CSMD1: variants seen among roughly 807,000 people sequenced by gnomAD.
CSMD1 encodes CUB and Sushi multiple domains 1, also known as CUB and sushi domain-containing protein 1.
CSMD1 carries 213 observed loss-of-function variants against 417.5 expected under a neutral mutation model. The observed-to-expected ratio is 0.51, with a 90% confidence interval of 0.46 to 0.57. The LOEUF (loss-of-function observed/expected upper bound fraction) is 0.57. Ranked by LOEUF, CSMD1 falls within the 20% of genes least tolerant of loss-of-function variation. The probability of loss-of-function intolerance (pLI) is 0.00; values close to 1 mark genes in which losing one functional copy is unlikely to be tolerated. For missense variants in CSMD1, 6,923 were observed against 4,529.7 expected (o/e 1.53, Z -15.17); for synonymous variants, 2,862 against 1,736.8 (o/e 1.65, Z -16.11).
intron 1 of CSMD1, among the ~76,000 whole-genome samples, chr8:4,714,333 A>G (rs1808507658): frequency 6.6e-6 from 1 of 152,168 alleles, no homozygotes; most frequent in South Asian, 2.1e-4. Flanking sequence ...TCACACTTGC[A>G]AAGTTTGGGG....
At chr8:4,856,549 C>A (rs1265387825) in intron 1 of CSMD1, among the ~76,000 whole-genome samples, 4 of 138,510 alleles carry the variant, frequency 2.9e-5, no homozygotes, top group Non-Finnish European at 4.6e-5. Flanking sequence ...CACATAGGCT[C>A]AAAATAAAAG....
chr8:4,193,753 T>G (rs183594499), intron 3 of CSMD1, among the ~76,000 whole-genome samples: 167 of 152,172 alleles, frequency 1.1e-3, no homozygotes, highest in African/African-American at 3.8e-3. Flanking sequence ...ACAAGTGATT[T>G]TGGCTGGCAA....
chr8:3,875,452 G>C (rs182538997), intron 5 of CSMD1, among the ~76,000 whole-genome samples: 3 of 152,252 alleles, frequency 2.0e-5, no homozygotes, highest in Non-Finnish European at 4.4e-5. Context: ...TGATGTAGGT[G>C]AATGGGTGGA....
intron 3 of CSMD1, among the ~76,000 whole-genome samples, chr8:4,056,183 G>T (rs1200616438): frequency 7.4e-5 from 11 of 148,788 alleles, no homozygotes; most frequent in African/African-American, 2.5e-4. Context: ...TTGGGTTCGA[G>T]CAATTCTCTT....
intron 3 of CSMD1, among the ~76,000 whole-genome samples, chr8:4,152,761 T>C (rs757221149): frequency 4.6e-5 from 7 of 151,432 alleles, no homozygotes; most frequent in Non-Finnish European, 1.0e-4. Context: ...AATATATACA[T>C]ATAATCAAAT....
intron 3 of CSMD1, among the ~76,000 whole-genome samples, chr8:4,139,642 G>A (rs1015951097): frequency 1.3e-5 from 2 of 151,168 alleles, no homozygotes. Context: ...AGTGGGACCA[G>A]CAGATGCAAG....
Position 3,205,549 on chromosome 8 carries a change from C to T in CSMD1, c.4939G>A (p.Ala1647Thr). Residue 1647 changes from alanine to threonine, a missense_variant, in exon 31 of 70, where the codon GCT (alanine) becomes ACT (threonine). Coordinates refer to ENST00000635120, the MANE Select transcript of CSMD1 (RefSeq NM_033225.6). Reference protein sequence around the residue: ...LSPNYPHNYTAGQICLYSITV... With the variant: ...LSPNYPHNYTTGQICLYSITV... ...ATGGAATAGAGGCATATTTGACCAGCTGTGTAATTATGGGGGTAGTTTGGT... is the reference window on the plus strand; with the variant it reads ...ATGGAATAGAGGCATATTTGACCAGTTGTGTAATTATGGGGGTAGTTTGGT... 6.2e-7 allele frequency: 1 copy of T among 1,602,690 alleles called. No individual in the cohort carries two copies. Among genetic ancestry groups the T allele is most frequent in the Non-Finnish European group, 8.5e-7 (1 of 1,173,256 alleles).
At chr8:4,929,619 T>C (rs1807104281) in intron 1 of CSMD1, among the ~76,000 whole-genome samples, 1 of 152,226 alleles carries the variant, frequency 6.6e-6, no homozygotes, top group Non-Finnish European at 1.5e-5. Flanking sequence ...TTTCATCATT[T>C]GTCACCATTT....
At chr8:3,521,999 G>A (rs142942364) in intron 10 of CSMD1, among the ~76,000 whole-genome samples, 252 of 152,246 alleles carry the variant, frequency 1.7e-3, no homozygotes, top group African/African-American at 5.5e-3. Flanking sequence ...GTGTAAACAA[G>A]TATTTGCATT....
chr8:3,737,896 C>T (rs1305141022), intron 6 of CSMD1, among the ~76,000 whole-genome samples: 2 of 152,182 alleles, frequency 1.3e-5, no homozygotes, highest in Non-Finnish European at 2.9e-5. Flanking sequence ...AGAATTCCCT[C>T]AAACTCTGAC....
At chr8:4,418,680 G>T (rs773146975) in intron 3 of CSMD1, among the ~76,000 whole-genome samples, 2 of 152,144 alleles carry the variant, frequency 1.3e-5, no homozygotes, top group Non-Finnish European at 2.9e-5. Flanking sequence ...TGTGAATTTA[G>T]AGTTTATATG....
intron 40 of CSMD1, among the ~76,000 whole-genome samples, chr8:3,146,759 G>A (rs955810209): frequency 3.3e-5 from 5 of 152,200 alleles, no homozygotes; most frequent in Admixed American, 1.3e-4. Context: ...GGAAAGCCAG[G>A]TAAGATGATT....
chr8:4,451,481 A>G (rs1169589944), intron 2 of CSMD1, among the ~76,000 whole-genome samples: 1 of 152,190 alleles, frequency 6.6e-6, no homozygotes, highest in South Asian at 2.1e-4. Context: ...CCTAAAGCTT[A>G]CCCATAGAGA....
chr8:4,732,459 C>G (rs529750563), intron 1 of CSMD1, among the ~76,000 whole-genome samples: 1 of 151,262 alleles, frequency 6.6e-6, no homozygotes. Flanking sequence ...TGCTTAAGAA[C>G]AAGAATTACT....
Position 3,106,917 on chromosome 8 carries a change from G to C in CSMD1, c.6836-276C>G, listed in dbSNP as rs537529366. On this transcript the variant is annotated intron_variant, in intron 45 of 69. Transcript: ENST00000635120. ...TCCGTGTTGGTTTCCCTTCCCCAGT[G>C]ATTGCTGACGAAAAGAAAAAAAAAG... 6.2e-5 allele frequency: 18 copies of C among 291,354 alleles called. No individual in the cohort carries two copies. The South Asian group carries it at 1.6e-3, about 27-fold the overall frequency. 18.0% of individuals were successfully genotyped at this position (291,354 alleles called of 1,614,324 possible). A position where few individuals can be genotyped will look rare whatever the true frequency, so the allele number is the denominator to read the frequency against.
rs78456508 is a variant in CSMD1, at chr8:3,267,505, C to T, written c.4153+16639G>A. Reference sequence around the variant, plus strand: ...CAGGCGTGAGGTTTCCTCAGGAGCTCTCCGGAGTCCAGAGGAGAGAATCCA... The same window carrying T: ...CAGGCGTGAGGTTTCCTCAGGAGCTTTCCGGAGTCCAGAGGAGAGAATCCA... On this transcript the variant is annotated intron_variant, in intron 26 of 69. Transcript: ENST00000635120. Among the ~76,000 whole-genome samples the T allele has an allele frequency of 2.4e-3, 370 of 152,266 alleles. 2 individuals carry two copies. Among genetic ancestry groups the T allele is most frequent in the African/African-American group, 8.6e-3 (356 of 41,560 alleles).
chr8:3,217,149 C>T (rs760003174), intron 29 of CSMD1, among the ~76,000 whole-genome samples: 1 of 152,074 alleles, frequency 6.6e-6, no homozygotes, highest in Non-Finnish European at 1.5e-5. Flanking sequence ...GAAGAAATGG[C>T]ATCATTTTTC....
At chr8:3,572,330 C>G (rs1799980179) in intron 10 of CSMD1, among the ~76,000 whole-genome samples, 1 of 152,110 alleles carries the variant, frequency 6.6e-6, no homozygotes, top group Non-Finnish European at 1.5e-5. Flanking sequence ...TGAGGGAGGG[C>G]TGAGGCTCTG....
At chr8:3,725,735 G>A (rs1032107520) in intron 6 of CSMD1, among the ~76,000 whole-genome samples, 1 of 152,172 alleles carries the variant, frequency 6.6e-6, no homozygotes, top group African/African-American at 2.4e-5. Flanking sequence ...CATACCAACT[G>A]CTGTGTTGTT....
Sources: allele counts gnomAD v4.1 joint callset (sites outside exome capture counted in the v4.1 genomes callset), GRCh38; gene constraint gnomAD v4.1.1; transcripts MANE v1.5; gene names NCBI Gene and HGNC (gene_info 2026-07-23, HGNC 2026-07-21).